The following CNTNAP5 variants were observed in gnomAD, a reference collection of about 807,000 sequenced individuals.
CNTNAP5 encodes the protein contactin associated protein family member 5, also known as contactin-associated protein-like 5.
Under a neutral mutation model 150.2 loss-of-function variants are expected in CNTNAP5, and 72 were observed. The observed-to-expected ratio is 0.48, with a 90% confidence interval of 0.40 to 0.58. The LOEUF (loss-of-function observed/expected upper bound fraction) is 0.58, where lower values mean the gene tolerates loss of function less well. Ranked by LOEUF, CNTNAP5 falls within the 20% of genes least tolerant of loss-of-function variation. CNTNAP5 has a pLI of 0.00. For synonymous variants in CNTNAP5, 672 were observed against 619.8 expected, an observed-to-expected ratio of 1.08 and a Z score of -1.25; for missense variants, 1,636 against 1,626.2, an observed-to-expected ratio of 1.01 and a Z score of -0.10.
chr2:124,820,964 T>C (rs1682473236), intron 19 of CNTNAP5, among the ~76,000 whole-genome samples: 1 of 152,220 alleles, frequency 6.6e-6, no homozygotes, highest in Non-Finnish European at 1.5e-5. Flanking sequence ...TGAACAAACT[T>C]GTGGAAATAT....
intron 13 of CNTNAP5, among the ~76,000 whole-genome samples, chr2:124,721,539 A>C (rs1049430418): frequency 6.7e-6 from 1 of 148,256 alleles, no homozygotes; most frequent in Non-Finnish European, 1.5e-5. Context: ...AAAACAAAAA[A>C]GAAAAAAAAT....
At chr2:124,506,341 A>G (rs528613956) in intron 8 of CNTNAP5, among the ~76,000 whole-genome samples, 1 of 152,172 alleles carries the variant, frequency 6.6e-6, no homozygotes, top group Non-Finnish European at 1.5e-5. Context: ...GTCAGGAAAA[A>G]AAAATGACTT....
At chr2:124,395,284 C>G (rs1009412860) in intron 3 of CNTNAP5, among the ~76,000 whole-genome samples, 4 of 152,058 alleles carry the variant, frequency 2.6e-5, no homozygotes, top group African/African-American at 9.7e-5. Flanking sequence ...AGCATGCCTC[C>G]CAAGAAGCAA....
intron 3 of CNTNAP5, among the ~76,000 whole-genome samples, chr2:124,393,186 G>C (rs1405266248): frequency 6.6e-6 from 1 of 152,118 alleles, no homozygotes; most frequent in African/African-American, 2.4e-5. Context: ...TGGAGGCTAT[G>C]TGTAATGTGG....
intron 1 of CNTNAP5, among the ~76,000 whole-genome samples, chr2:124,062,444 C>T (rs1437635967): frequency 6.6e-6 from 1 of 152,214 alleles, no homozygotes; most frequent in African/African-American, 2.4e-5. Flanking sequence ...CTGACCCCAG[C>T]ATGGGCTATA....
chr2:124,497,027 G>T (rs1486716474), intron 7 of CNTNAP5, among the ~76,000 whole-genome samples: 1 of 152,186 alleles, frequency 6.6e-6, no homozygotes, highest in Non-Finnish European at 1.5e-5. Context: ...TTACTGTTGA[G>T]CTGGTAAGCA....
intron 1 of CNTNAP5, among the ~76,000 whole-genome samples, chr2:124,103,804 A>C (rs949279929): frequency 6.7e-6 from 1 of 148,660 alleles, no homozygotes; most frequent in African/African-American, 2.4e-5. Context: ...GTTATATTAT[A>C]TATAACTTAA....
chr2:124,175,244 T>C (rs1685032874), intron 1 of CNTNAP5, among the ~76,000 whole-genome samples: 3 of 152,232 alleles, frequency 2.0e-5, no homozygotes, highest in Non-Finnish European at 4.4e-5. Context: ...TATGTATGTA[T>C]AGAAGCTTAC....
chr2:124,310,199 G>A (rs1170771403), intron 3 of CNTNAP5, among the ~76,000 whole-genome samples: 2 of 152,098 alleles, frequency 1.3e-5, no homozygotes, highest in South Asian at 2.1e-4. Context: ...GCTGATTGAG[G>A]TGGTTCCTGG....
At chr2:124,335,743 C>A (rs975947086) in intron 3 of CNTNAP5, among the ~76,000 whole-genome samples, 2 of 151,838 alleles carry the variant, frequency 1.3e-5, no homozygotes, top group Admixed American at 6.6e-5. Flanking sequence ...GTAAAGGTCT[C>A]TTACCTTTTT....
rs1012440975 is a variant in CNTNAP5, at chr2:124,255,978, A to C, written c.381+13585A>C. Among the ~76,000 whole-genome samples the C allele has an allele frequency of 2.6e-5, 4 of 152,226 alleles. No individual in the cohort carries two copies. The East Asian group carries it at 7.7e-4, about 29-fold the overall frequency. ...AGTCACAAGATTGTTTGAAAAAAAT[A>C]CATATAACATCTTTTAACTGTGTAG... is the stretch of plus-strand genomic sequence containing the variant. On this transcript the variant is annotated intron_variant, in intron 3 of 23. Coordinates refer to ENST00000682447, the MANE Select transcript of CNTNAP5 (RefSeq NM_001367498.1).
At chr2:124,617,418 T>C (rs1677515047) in intron 12 of CNTNAP5, among the ~76,000 whole-genome samples, 1 of 152,142 alleles carries the variant, frequency 6.6e-6, no homozygotes, top group Admixed American at 6.5e-5. Flanking sequence ...CTTTTGATGG[T>C]TTGCTCAATC....
intron 1 of CNTNAP5, among the ~76,000 whole-genome samples, chr2:124,030,623 A>C (rs559019580): frequency 6.6e-6 from 1 of 152,114 alleles, no homozygotes; most frequent in Non-Finnish European, 1.5e-5. Context: ...AGTAGCAGTT[A>C]GCACCACAGC....
At chr2:124,798,036 T>G (rs1681883614) in intron 18 of CNTNAP5, 60 bp from the exon 19 acceptor site, 1 of 1,320,560 alleles carries the variant, frequency 7.6e-7, no homozygotes, top group East Asian at 2.5e-5. Context: ...GCAGCTAAGG[T>G]TAGCTTGAAC....
intron 3 of CNTNAP5, among the ~76,000 whole-genome samples, chr2:124,349,533 C>T (rs1036170514): frequency 1.3e-5 from 2 of 152,106 alleles, no homozygotes; most frequent in African/African-American, 4.8e-5. Context: ...CCAGTGCTTT[C>T]TTTTACATTG....
At chr2:124,052,512 C>A (rs1453198713) in intron 1 of CNTNAP5, among the ~76,000 whole-genome samples, 3 of 152,206 alleles carry the variant, frequency 2.0e-5, no homozygotes, top group African/African-American at 7.2e-5. Flanking sequence ...TAAATTAATG[C>A]AAGCATTTGC....
At chr2:124,803,147 G>A (rs1391811969) in intron 19 of CNTNAP5, among the ~76,000 whole-genome samples, 3 of 151,572 alleles carry the variant, frequency 2.0e-5, no homozygotes, top group African/African-American at 4.8e-5. Flanking sequence ...TTATGGGACA[G>A]AAACATAGTT....
intron 14 of CNTNAP5, among the ~76,000 whole-genome samples, chr2:124,747,792 T>C (rs1295441363): frequency 1.5e-5 from 2 of 131,546 alleles, no homozygotes; most frequent in Non-Finnish European, 3.3e-5. Flanking sequence ...ACTCTTCTTT[T>C]TTTTTTTTTT....
chr2:124,915,211 C>G lies in CNTNAP5; in HGVS notation c.*923C>G, dbSNP rs926654201. The G allele has an allele frequency of 1.8e-5, 3 of 166,296 alleles. No individual in the cohort carries two copies. The highest frequency in any genetic ancestry group is 4.4e-5 in the Non-Finnish European group (3 of 68,016). The allele number at this position is 166,296 out of a possible 1,614,324, so 10.3% of individuals were successfully genotyped here. Reference sequence around the variant, plus strand: ...GAGTATATATACACACACACACACACACACACATATATATATATACACACA... The same window carrying G: ...GAGTATATATACACACACACACACAGACACACATATATATATATACACACA... On this transcript the variant is annotated 3_prime_UTR_variant, in exon 24 of 24. Coordinates refer to ENST00000682447, the MANE Select transcript of CNTNAP5 (RefSeq NM_001367498.1).
Sources: gnomAD v4.1 joint callset for allele counts (sites outside exome capture counted in the v4.1 genomes callset) on GRCh38, gnomAD v4.1.1 for gene constraint, MANE v1.5 for transcripts, NCBI Gene and HGNC (gene_info 2026-07-23, HGNC 2026-07-21) for gene names.